The following MIER1 variants were observed in gnomAD, a reference collection of about 807,000 sequenced individuals.
The protein encoded by MIER1 is MIER1 transcriptional regulator, also known as mesoderm induction early response protein 1.
Under a neutral mutation model 75.7 loss-of-function variants are expected in MIER1, and 40 were observed. The observed-to-expected ratio is 0.53, with a 90% confidence interval of 0.41 to 0.69. The LOEUF (loss-of-function observed/expected upper bound fraction) is 0.69, where lower values mean the gene tolerates loss of function less well. MIER1 is among the 30% of genes least tolerant of loss of function. The pLI, the probability that MIER1 is intolerant of heterozygous loss-of-function variation, is 0.00. For missense variants in MIER1, 574 were observed against 680.2 expected (o/e 0.84, Z 1.74); for synonymous variants, 213 against 223.4 (o/e 0.95, Z 0.42).
chr1:66,927,959 G>A (rs892074779), intron 2 of MIER1, among the ~76,000 whole-genome samples: 2 of 151,976 alleles, frequency 1.3e-5, no homozygotes, highest in South Asian at 2.1e-4. Context: ...TTTTCATTCC[G>A]TAAGGTGGCT....
chr1:66,979,204 A>G (rs539577624), intron 12 of MIER1, among the ~76,000 whole-genome samples: 1 of 152,242 alleles, frequency 6.6e-6, no homozygotes, highest in South Asian at 2.1e-4. Flanking sequence ...ACCAAACTAC[A>G]TTTCTTTCCA....
chr1:66,926,869 G>A (rs1040198183), intron 2 of MIER1, among the ~76,000 whole-genome samples: 1 of 151,996 alleles, frequency 6.6e-6, no homozygotes, highest in Non-Finnish European at 1.5e-5. Flanking sequence ...GTATTTTCTT[G>A]GTGCATTTTG....
intron 2 of MIER1, 68 bp from the exon 3 acceptor site, chr1:66,939,960 T>C: frequency 7.9e-7 from 1 of 1,264,186 alleles, no homozygotes; most frequent in East Asian, 2.4e-5. Context: ...CATTGAATAA[T>C]TTCGGTAATG....
chr1:66,948,730 C>CA (rs1050189463), intron 4 of MIER1, among the ~76,000 whole-genome samples: 7 of 152,038 alleles, frequency 4.6e-5, no homozygotes, highest in East Asian at 1.9e-4. Context: ...ACCATCTCTG[C>CA]AAAAAATTTT....
chr1:66,954,294 C>T (rs1014952011), intron 4 of MIER1, among the ~76,000 whole-genome samples: 9 of 152,192 alleles, frequency 5.9e-5, no homozygotes, highest in Admixed American at 4.6e-4. Flanking sequence ...GTGTCAGTAA[C>T]TATTCAGTAC....
intron 4 of MIER1, 188 bp downstream of exon 4, chr1:66,946,483 A>G (rs575626872): frequency 7.6e-7 from 1 of 1,316,616 alleles, no homozygotes; most frequent in Non-Finnish European, 9.7e-7. Flanking sequence ...TAACTTTATT[A>G]TGTGCAATAA....
chr1:66,981,887 A>G lies in MIER1; in HGVS notation c.1338A>G (p.Glu446=). Residue 446 remains glutamate, a synonymous_variant, in exon 13 of 14, where the codon GAA becomes GAG. Transcript: ENST00000401041. ...SNSSNSQSEK[E]DGTVSTANQN... ...GTAGTAACAGCCAGTCTGAGAAAGA[A>G]GATGGCACTGTAAGCACTGCTAATC... 6.2e-7 allele frequency: 1 copy of G among 1,614,112 alleles called. No individual in the cohort carries two copies. Among genetic ancestry groups the G allele is most frequent in the Non-Finnish European group, 8.5e-7 (1 of 1,179,946 alleles).
rs546146531 is a variant in MIER1 at position 66,970,805 on chromosome 1, T to C, written c.773-3T>C. The stretch of plus-strand genomic sequence containing the variant: ...TGTTTAACATTGTCTTTTACTAATT[T>C]AGTATATGAAAATGATGATCAGCTC... On this transcript the variant is annotated splice_polypyrimidine_tract_variant and splice_region_variant and intron_variant, in intron 8 of 13. Transcript: ENST00000401041. The C allele has an allele frequency of 1.4e-5, 21 of 1,539,180 alleles. No homozygotes were observed. The highest frequency in any genetic ancestry group is 1.7e-5 in the Non-Finnish European group (20 of 1,149,982).
At chr1:66,977,675 T>C (rs951863005) in intron 12 of MIER1, among the ~76,000 whole-genome samples, 1 of 152,210 alleles carries the variant, frequency 6.6e-6, no homozygotes, top group Non-Finnish European at 1.5e-5. Flanking sequence ...ACTGGCAATT[T>C]GTTACTTAAA....
At chr1:66,949,674 T>TTTTGTTGTGTTTA (rs1558051654) in intron 4 of MIER1, among the ~76,000 whole-genome samples, 1 of 152,242 alleles carries the variant, frequency 6.6e-6, no homozygotes, top group Non-Finnish European at 1.5e-5. Context: ...ACTCTTTAGG[T>TTTTGTTGTGTTTA]TTGAACCAAA....
chr1:66,927,497 T>G (rs562940214), intron 2 of MIER1, among the ~76,000 whole-genome samples: 195 of 152,268 alleles, frequency 1.3e-3, no homozygotes, highest in Non-Finnish European at 2.3e-3. Context: ...TGCCTTTAGC[T>G]CTCTCATGTC....
intron 2 of MIER1, among the ~76,000 whole-genome samples, chr1:66,931,055 G>GTTT (rs1653190242): frequency 6.9e-6 from 1 of 145,482 alleles, no homozygotes; most frequent in Non-Finnish European, 1.5e-5. Context: ...CACTTTCCAG[G>GTTT]CTTCCCCCCA....
chr1:66,984,916 T>A lies in MIER1; in HGVS notation c.*16T>A. ...AGATGACTAAATTTTAGACCTATTT[T>A]ACTTTCTTTGGAGTAAATTCTGGTG... On this transcript the variant is annotated 3_prime_UTR_variant, in exon 14 of 14. Transcript: ENST00000401041. 3 of 1,557,822 alleles carry A rather than the reference T, an allele frequency of 1.9e-6. No individual in the cohort carries two copies. Among genetic ancestry groups the A allele is most frequent in the Non-Finnish European group, 8.6e-7 (1 of 1,158,118 alleles).
chr1:66,927,071 T>C (rs1651994134), intron 2 of MIER1, among the ~76,000 whole-genome samples: 1 of 152,188 alleles, frequency 6.6e-6, no homozygotes. Context: ...TAAATGCTTT[T>C]GTTAAAAGCA....
At chr1:66,947,603 C>T (rs1173636447) in intron 4 of MIER1, 1 of 152,224 alleles carries the variant, frequency 6.6e-6, no homozygotes, top group Non-Finnish European at 1.5e-5. Context: ...ATTGCAGTAG[C>T]TTCCTGACTG....
chr1:66,936,241 T>C (rs1274118429), intron 2 of MIER1, among the ~76,000 whole-genome samples: 1 of 152,182 alleles, frequency 6.6e-6, no homozygotes, highest in Admixed American at 6.5e-5. Context: ...TTTTTGTTTT[T>C]TTTGAGACGG....
At chr1:66,971,763 T>C (rs762741085) in intron 10 of MIER1, 27 bp downstream of exon 10, 1 of 1,230,452 alleles carries the variant, frequency 8.1e-7, no homozygotes, top group Non-Finnish European at 1.2e-6. Context: ...TTCATTTTCA[T>C]GATTTGGCAG....
intron 10 of MIER1, among the ~76,000 whole-genome samples, chr1:66,972,665 A>G (rs1444848311): frequency 1.3e-5 from 2 of 152,062 alleles, no homozygotes; most frequent in Non-Finnish European, 2.9e-5. Context: ...ATCAGTAAGA[A>G]TTAAGAAGAA....
chr1:66,965,095 T>C (rs1160074746), intron 8 of MIER1, among the ~76,000 whole-genome samples: 2 of 152,218 alleles, frequency 1.3e-5, no homozygotes, highest in African/African-American at 4.8e-5. Flanking sequence ...CTGCAAGATA[T>C]AGGAACATTG....
Sources: allele counts gnomAD v4.1 joint callset (sites outside exome capture counted in the v4.1 genomes callset), GRCh38; gene constraint gnomAD v4.1.1; transcripts MANE v1.5; gene names NCBI Gene and HGNC (gene_info 2026-07-23, HGNC 2026-07-21).